Variants in TMEM117 observed in about 807,000 individuals in gnomAD.
TMEM117 encodes the protein transmembrane protein 117.
A neutral mutation model predicts 52.4 loss-of-function variants in TMEM117; 27 were observed. The observed-to-expected ratio is 0.51, with a 90% CI of 0.38 to 0.71. The LOEUF is 0.71. Among genes scored for constraint, TMEM117 ranks in the 30% least tolerant of loss-of-function variants. The pLI, the probability that TMEM117 is intolerant of heterozygous loss-of-function variation, is 0.00. For missense variants in TMEM117, 556 were observed against 630.5 expected (o/e 0.88, Z 1.26); for synonymous variants, 215 against 206.3 (o/e 1.04, Z -0.36).
At chr12:43,849,275 A>G (rs1943264583) in intron 2 of TMEM117, among the ~76,000 whole-genome samples, 1 of 152,204 alleles carries the variant, frequency 6.6e-6, no homozygotes, top group South Asian at 2.1e-4. Flanking sequence ...CAATGGCTGG[A>G]TGTATTTGGA....
chr12:43,915,319 A>G (rs940306687), intron 2 of TMEM117, among the ~76,000 whole-genome samples: 5 of 152,156 alleles, frequency 3.3e-5, no homozygotes, highest in African/African-American at 1.2e-4. Flanking sequence ...CTGGAAACAG[A>G]GGGGCAGACC....
rs555230428 is a variant in TMEM117, at chr12:44,019,292, G to A, written c.410+74950G>A. Among the ~76,000 whole-genome samples, 238 of 151,884 alleles carry A rather than the reference G, an allele frequency of 1.6e-3. 1 individual carries two copies. Among genetic ancestry groups the A allele is most frequent in the African/African-American group, 5.5e-3 (227 of 41,408 alleles). ...AGGCAAGTCCTGTAGAGCAGGTTGC[G>A]CACTTCCCTGAAAAGACTAGTCACA... On this transcript the variant is annotated intron_variant, in intron 3 of 7. Coordinates refer to ENST00000266534, the MANE Select transcript of TMEM117 (RefSeq NM_032256.3).
chr12:44,250,300 A>T (rs942486181), intron 5 of TMEM117, among the ~76,000 whole-genome samples: 3 of 152,218 alleles, frequency 2.0e-5, no homozygotes, highest in Non-Finnish European at 4.4e-5. Flanking sequence ...ACCAGTTCGC[A>T]CCAGTCACAA....
intron 5 of TMEM117, among the ~76,000 whole-genome samples, chr12:44,258,303 A>G (rs1395825439): frequency 1.3e-5 from 2 of 152,144 alleles, no homozygotes; most frequent in East Asian, 3.8e-4. Flanking sequence ...TACCTCAGGT[A>G]ATTACTGTCT....
chr12:43,944,421 A>G (rs2137616278), intron 3 of TMEM117, 79 bp downstream of exon 3: 1 of 1,328,934 alleles, frequency 7.5e-7, no homozygotes, highest in Non-Finnish European at 1.0e-6. Flanking sequence ...TTTAGCTTGT[A>G]GTAGTCTAAG....
intron 4 of TMEM117, among the ~76,000 whole-genome samples, chr12:44,208,932 T>C (rs1046542883): frequency 6.6e-6 from 1 of 152,056 alleles, no homozygotes; most frequent in Non-Finnish European, 1.5e-5. Flanking sequence ...CCAGTAATCA[T>C]TCTGTTCCTT....
intron 6 of TMEM117, among the ~76,000 whole-genome samples, chr12:44,313,624 A>AT (rs1565704223): frequency 2.0e-5 from 3 of 152,126 alleles, no homozygotes; most frequent in African/African-American, 7.2e-5. Context: ...TTTTAGAATA[A>AT]TTTTTTATAA....
intron 3 of TMEM117, among the ~76,000 whole-genome samples, chr12:43,968,153 A>G (rs1298673904): frequency 6.6e-6 from 1 of 152,214 alleles, no homozygotes; most frequent in Non-Finnish European, 1.5e-5. Context: ...GAGAAGCACT[A>G]TTGATCTTTC....
At chr12:44,192,473 C>T (rs1460589248) in intron 4 of TMEM117, among the ~76,000 whole-genome samples, 7 of 152,118 alleles carry the variant, frequency 4.6e-5, no homozygotes, top group Admixed American at 4.6e-4. Context: ...GCCTGCTTCA[C>T]CATTTGTGAA....
intron 6 of TMEM117, among the ~76,000 whole-genome samples, chr12:44,334,798 T>C (rs1196744116): frequency 6.6e-6 from 1 of 152,040 alleles, no homozygotes; most frequent in Non-Finnish European, 1.5e-5. Flanking sequence ...ATTTAAAAAG[T>C]ACTGTTTCAT....
intron 4 of TMEM117, among the ~76,000 whole-genome samples, chr12:44,206,186 A>T (rs906012492): frequency 1.3e-5 from 2 of 152,222 alleles, no homozygotes; most frequent in African/African-American, 2.4e-5. Context: ...AGCATTCCTT[A>T]TGGGAAACAA....
chr12:44,018,968 T>C (rs1395617942), intron 3 of TMEM117, among the ~76,000 whole-genome samples: 1 of 152,018 alleles, frequency 6.6e-6, no homozygotes. Context: ...TCTCAAAGTG[T>C]TGGGATTACA....
At chr12:44,040,559 T>C (rs1307420889) in intron 3 of TMEM117, among the ~76,000 whole-genome samples, 1 of 152,154 alleles carries the variant, frequency 6.6e-6, no homozygotes, top group Non-Finnish European at 1.5e-5. Flanking sequence ...CCAGGTTTCT[T>C]TGTGGACTGT....
intron 5 of TMEM117, among the ~76,000 whole-genome samples, chr12:44,273,803 G>A (rs551215228): frequency 6.6e-6 from 1 of 151,914 alleles, no homozygotes; most frequent in Admixed American, 6.6e-5. Flanking sequence ...AAAAAACTGG[G>A]TATAGAAGGA....
the TMEM117 span, among the ~76,000 whole-genome samples, chr12:43,817,338 C>T: frequency 1.3e-5 from 2 of 152,158 alleles, no homozygotes; most frequent in Non-Finnish European, 2.9e-5. Context: ...AAAAACTCCT[C>T]TTGGGAGAAT....
intron 6 of TMEM117, among the ~76,000 whole-genome samples, chr12:44,364,741 G>A (rs1233852534): frequency 6.6e-6 from 1 of 152,060 alleles, no homozygotes; most frequent in East Asian, 1.9e-4. Context: ...GCCAAAAAAT[G>A]TTATTGTTAC....
intron 2 of TMEM117, among the ~76,000 whole-genome samples, chr12:43,861,016 C>G (rs1943480116): frequency 1.3e-5 from 2 of 152,104 alleles, no homozygotes; most frequent in South Asian, 4.2e-4. Flanking sequence ...CTCCCTCCCT[C>G]CAGTGGGACA....
chr12:44,005,886 CT>C (rs979820320), intron 3 of TMEM117, among the ~76,000 whole-genome samples: 6 of 152,208 alleles, frequency 3.9e-5, no homozygotes, highest in Non-Finnish European at 8.8e-5. Context: ...CAAGATCTCT[CT>C]TTTTGCCTGC....
chr12:44,172,399 T>G (rs112580486), intron 4 of TMEM117, among the ~76,000 whole-genome samples: 3 of 152,278 alleles, frequency 2.0e-5, no homozygotes, highest in African/African-American at 7.2e-5. Flanking sequence ...GTATCGTAAT[T>G]CACTCCCTGC....
Sources: allele counts gnomAD v4.1 joint callset (sites outside exome capture counted in the v4.1 genomes callset), GRCh38; gene constraint gnomAD v4.1.1; transcripts MANE v1.5; gene names NCBI Gene and HGNC (gene_info 2026-07-23, HGNC 2026-07-21).